Variants in GAS7 observed in about 807,000 individuals in gnomAD.
GAS7 encodes growth arrest-specific protein 7.
In GAS7, 28 loss-of-function variants were observed where a neutral mutation model predicts 71.1. The observed-to-expected ratio is 0.39, with a 90% CI of 0.29 to 0.54. The LOEUF (loss-of-function observed/expected upper bound fraction) is 0.54. GAS7 is among the 20% of genes least tolerant of loss of function. GAS7 has a pLI of 0.62. For missense variants in GAS7, 436 were observed against 627.8 expected (o/e 0.69, Z 3.27); for synonymous variants, 258 against 245.8 (o/e 1.05, Z -0.46).
intron 6 of GAS7, among the ~76,000 whole-genome samples, chr17:9,944,544 T>C (rs569021205): frequency 9.2e-5 from 14 of 152,320 alleles, no homozygotes; most frequent in African/African-American, 3.1e-4. Flanking sequence ...AAGGGGTTGC[T>C]GATGCCTGCA....
At chr17:10,148,703 A>G (rs2074140406) in intron 1 of GAS7, among the ~76,000 whole-genome samples, 1 of 151,746 alleles carries the variant, frequency 6.6e-6, no homozygotes, top group Non-Finnish European at 1.5e-5. Flanking sequence ...CGAGGTCAGG[A>G]GATCGAGACC....
intron 2 of GAS7, among the ~76,000 whole-genome samples, chr17:10,003,260 G>C (rs2071343018): frequency 6.6e-6 from 1 of 152,152 alleles, no homozygotes; most frequent in Admixed American, 6.5e-5. Context: ...CAGGTGTCTG[G>C]CATGGCCCAG....
intron 1 of GAS7, among the ~76,000 whole-genome samples, chr17:10,188,070 C>T (rs1249986261): frequency 6.6e-6 from 1 of 152,028 alleles, no homozygotes; most frequent in Admixed American, 6.6e-5. Context: ...ATGGTGAAAC[C>T]CATCTCCACT....
At chr17:10,106,780 GCCCC>G (rs3076189) in intron 1 of GAS7, among the ~76,000 whole-genome samples, 21 of 151,752 alleles carry the variant, frequency 1.4e-4, no homozygotes, top group Middle Eastern at 3.4e-3. Context: ...GCTTGAAAGT[GCCCC>G]CCCCCCCAAA....
At chr17:10,002,737 A>G (rs1235312826) in intron 2 of GAS7, among the ~76,000 whole-genome samples, 1 of 152,164 alleles carries the variant, frequency 6.6e-6, no homozygotes, top group African/African-American at 2.4e-5. Context: ...AAAGGACATG[A>G]CCTCATCCTT....
At chr17:10,046,327 G>A (rs1278644419) in intron 1 of GAS7, among the ~76,000 whole-genome samples, 4 of 150,706 alleles carry the variant, frequency 2.7e-5, no homozygotes, top group Non-Finnish European at 5.9e-5. Flanking sequence ...AGCAATAAGA[G>A]GAAAAGAACA....
At position 9,919,804 on chromosome 17, in the gene GAS7, G is replaced by A. The variant is rs1210467714; in HGVS notation, c.1139-99C>T. 23 of 875,018 alleles carry A rather than the reference G, an allele frequency of 2.6e-5. No individual in the cohort carries two copies. In the East Asian group the frequency reaches 2.9e-4, roughly 11 times the overall value. The allele number at this position is 875,018 out of a possible 1,614,324, so 54.2% of individuals were successfully genotyped here. On this transcript the variant is annotated intron_variant, in intron 11 of 13. Transcript: ENST00000432992. This position sits in a 1 kb window ranked among gnomAD's most constrained non-coding sequence, Gnocchi z 5.0. ...ACAGCCAAGCCTTCTCCTCCCCCTG[G>A]GGTCATGGTGGCCGCTGGAAAGCTG...
At chr17:10,197,006 C>T (rs895614563) in intron 1 of GAS7, among the ~76,000 whole-genome samples, 4 of 152,178 alleles carry the variant, frequency 2.6e-5, no homozygotes, top group African/African-American at 9.7e-5. Context: ...AGCCCCTAAA[C>T]TTTGCTCAAA....
At chr17:9,928,811 T>C (rs2068105696) in intron 9 of GAS7, among the ~76,000 whole-genome samples, 1 of 152,172 alleles carries the variant, frequency 6.6e-6, no homozygotes, top group African/African-American at 2.4e-5. Context: ...GTGTCTGACC[T>C]GGGCTGGGGC....
chr17:10,064,728 T>C (rs997903241), intron 1 of GAS7, among the ~76,000 whole-genome samples: 15 of 148,958 alleles, frequency 1.0e-4, no homozygotes, highest in South Asian at 6.3e-4. Flanking sequence ...GAATCAGAGA[T>C]AGAGAAACAT....
intron 2 of GAS7, among the ~76,000 whole-genome samples, chr17:9,983,219 G>C (rs1434477406): frequency 6.6e-6 from 1 of 152,118 alleles, no homozygotes. Context: ...TCCAGGCACA[G>C]TGGTTCATGC....
chr17:10,085,641 A>T (rs532784135), intron 1 of GAS7, among the ~76,000 whole-genome samples: 51 of 150,394 alleles, frequency 3.4e-4, no homozygotes, highest in Admixed American at 6.0e-4. Context: ...ACAGTGAGCC[A>T]AGATCGTGCC....
At chr17:9,972,417 C>A (rs977670447) in intron 3 of GAS7, among the ~76,000 whole-genome samples, 1 of 152,204 alleles carries the variant, frequency 6.6e-6, no homozygotes. Flanking sequence ...TAGCATAGAA[C>A]TATCTGAATA....
chr17:10,107,993 G>A (rs930856585), intron 1 of GAS7, among the ~76,000 whole-genome samples: 3 of 152,044 alleles, frequency 2.0e-5, no homozygotes, highest in Non-Finnish European at 4.4e-5. Flanking sequence ...AGTCCCAGTG[G>A]GGGACTGGGC....
chr17:10,026,369 T>C lies in GAS7; in HGVS notation c.184-6472A>G. On this transcript the variant is annotated intron_variant, in intron 1 of 13. Transcript: ENST00000432992. This position sits in a 1 kb window ranked among gnomAD's most constrained non-coding sequence, Gnocchi z 4.5. ...AGATCTATATATAACAGCTCTGAAG[T>C]TGTCAGCCTAACGAGCCACTTTCTG... 1.2e-6 allele frequency: 1 copy of C among 866,420 alleles called. No individual in the cohort carries two copies. Among genetic ancestry groups the C allele is most frequent in the Non-Finnish European group, 1.4e-6 (1 of 721,206 alleles). 53.7% of individuals were successfully genotyped at this position (866,420 alleles called of 1,614,324 possible). A position where few individuals can be genotyped will look rare whatever the true frequency, so the allele number is the denominator to read the frequency against.
At chr17:10,031,864 C>T (rs1002608892) in intron 1 of GAS7, among the ~76,000 whole-genome samples, 1 of 152,192 alleles carries the variant, frequency 6.6e-6, no homozygotes, top group African/African-American at 2.4e-5. Flanking sequence ...GGAAGAATCT[C>T]GGCATTGACG....
rs556689690 is a variant in GAS7, at chr17:9,996,209, G to A, written c.305-14325C>T. On this transcript the variant is annotated intron_variant, in intron 2 of 13. Transcript: ENST00000432992. ...ATGATAGACTGGATTAAGAAAATGT[G>A]GCACATATACACCATGGAATACTAT... Among the ~76,000 whole-genome samples the A allele has an allele frequency of 2.0e-5, 3 of 152,230 alleles. No homozygotes were observed. In the South Asian group the frequency reaches 6.2e-4, roughly 32 times the overall value.
rs1442915827 is a variant in GAS7, at chr17:10,198,366, G to A, written c.25C>T (p.Leu9=). 2 of 1,590,390 alleles carry A rather than the reference G, an allele frequency of 1.3e-6. No individual in the cohort carries two copies. Among genetic ancestry groups the A allele is most frequent in the African/African-American group, 2.7e-5 (2 of 73,744 alleles). Residue 9 remains leucine (L), a synonymous_variant, in exon 1 of 14, where the codon CTG becomes TTG. Coordinates refer to ENST00000432992, the MANE Select transcript of GAS7 (RefSeq NM_201433.2). MSGARCRT[L]YPFSGERHGQ... ...TGCCGCTCCCCGGAGAAGGGGTACA[G>A]GGTCCGGCAGCGAGCGCCGGACATG... is the stretch of plus-strand genomic sequence containing the variant.
chr17:9,943,709 C>T (rs911295506), intron 6 of GAS7, among the ~76,000 whole-genome samples: 3 of 152,202 alleles, frequency 2.0e-5, no homozygotes, highest in Non-Finnish European at 4.4e-5. Flanking sequence ...GTGACACCCT[C>T]TAACCACACA....
Sources: allele counts gnomAD v4.1 joint callset (sites outside exome capture counted in the v4.1 genomes callset), GRCh38; gene constraint gnomAD v4.1.1; non-coding constraint Gnocchi (gnomAD v3.1); transcripts MANE v1.5; gene names NCBI Gene and HGNC (gene_info 2026-07-23, HGNC 2026-07-21).